Variants in PRKCA observed in about 807,000 individuals in gnomAD.
The protein encoded by PRKCA is protein kinase C alpha type.
Under a neutral mutation model 87.0 loss-of-function variants are expected in PRKCA, and 27 were observed. That is an observed-to-expected ratio of 0.31 (90% CI 0.23 to 0.43). The LOEUF is 0.43. PRKCA is among the 20% of genes least tolerant of loss of function. PRKCA has a pLI of 1.00. For synonymous variants in PRKCA, 329 were observed against 311.1 expected (o/e 1.06, Z -0.61); for missense variants, 518 against 852.3 (o/e 0.61, Z 4.88).
chr17:66,707,212 A>C (rs916836292), intron 8 of PRKCA, among the ~76,000 whole-genome samples: 2 of 152,132 alleles, frequency 1.3e-5, no homozygotes, highest in East Asian at 3.9e-4. Flanking sequence ...TTCAAATCCT[A>C]CAAGTCCCTT....
chr17:66,347,682 C>A (rs530375541), intron 2 of PRKCA, among the ~76,000 whole-genome samples: 1 of 152,222 alleles, frequency 6.6e-6, no homozygotes, highest in South Asian at 2.1e-4. Flanking sequence ...CATCAAAGAG[C>A]CTTTAAGTAT....
At chr17:66,775,625 A>G (rs1290939993) in intron 14 of PRKCA, 1 of 985,342 alleles carries the variant, frequency 1.0e-6, no homozygotes, top group Non-Finnish European at 1.2e-6. Context: ...CAGAAGCCTT[A>G]GTCAGAGACA....
At chr17:66,608,278 G>T (rs185732856) in intron 3 of PRKCA, among the ~76,000 whole-genome samples, 5 of 152,118 alleles carry the variant, frequency 3.3e-5, no homozygotes, top group Admixed American at 2.6e-4. Flanking sequence ...GTGGTGGAGT[G>T]GAGGGCCTCA....
chr17:66,402,184 A>G (rs1911070508), intron 2 of PRKCA, among the ~76,000 whole-genome samples: 1 of 152,202 alleles, frequency 6.6e-6, no homozygotes, highest in Non-Finnish European at 1.5e-5. Flanking sequence ...TAGAATGTAA[A>G]GATGGAGTCA....
intron 2 of PRKCA, among the ~76,000 whole-genome samples, chr17:66,481,307 T>C (rs2144052375): frequency 6.6e-6 from 1 of 152,270 alleles, no homozygotes. Flanking sequence ...GATGTAGCTA[T>C]TGCTCGATAA....
chr17:66,511,031 G>A (rs1277549341), intron 3 of PRKCA, among the ~76,000 whole-genome samples: 1 of 151,856 alleles, frequency 6.6e-6, no homozygotes, highest in African/African-American at 2.4e-5. Context: ...AAAACATACA[G>A]ATTATAACTG....
intron 3 of PRKCA, among the ~76,000 whole-genome samples, chr17:66,576,008 G>A (rs948197002): frequency 6.6e-6 from 1 of 152,030 alleles, no homozygotes; most frequent in Non-Finnish European, 1.5e-5. Flanking sequence ...CAGCTACTCC[G>A]GAGGCTGAGG....
chr17:66,681,926 C>T (rs781341720), intron 5 of PRKCA, among the ~76,000 whole-genome samples: 2 of 152,240 alleles, frequency 1.3e-5, no homozygotes, highest in African/African-American at 4.8e-5. Flanking sequence ...TCTGGGTCCA[C>T]ATCTCCACTT....
intron 16 of PRKCA, among the ~76,000 whole-genome samples, chr17:66,795,597 A>T (rs1195417080): frequency 6.6e-6 from 1 of 152,254 alleles, no homozygotes; most frequent in Non-Finnish European, 1.5e-5. Flanking sequence ...TGAGACATTT[A>T]AACTAATAAT....
At chr17:66,670,483 T>C (rs1972149571) in intron 5 of PRKCA, among the ~76,000 whole-genome samples, 1 of 152,216 alleles carries the variant, frequency 6.6e-6, no homozygotes, top group Non-Finnish European at 1.5e-5. Context: ...TATCTCATTC[T>C]TTCCTTTGGT....
chr17:66,344,482 C>A (rs1230719716), intron 2 of PRKCA, among the ~76,000 whole-genome samples: 1 of 152,042 alleles, frequency 6.6e-6, no homozygotes, highest in Admixed American at 6.5e-5. Context: ...ATGGTGAAAC[C>A]CATCTGTACC....
At chr17:66,368,364 G>GTATATATATATA (rs765889045) in intron 2 of PRKCA, among the ~76,000 whole-genome samples, 1 of 44,504 alleles carries the variant, frequency 2.2e-5, no homozygotes, top group Non-Finnish European at 3.8e-5. Flanking sequence ...GTGTGTATAT[G>GTATATATATATA]TATATATATA....
At chr17:66,410,449 T>A (rs1327521122) in intron 2 of PRKCA, among the ~76,000 whole-genome samples, 1 of 152,218 alleles carries the variant, frequency 6.6e-6, no homozygotes, top group Non-Finnish European at 1.5e-5. Context: ...TTGCTGAAAC[T>A]GCTAAATAAA....
intron 3 of PRKCA, among the ~76,000 whole-genome samples, chr17:66,589,556 G>A (rs2143527587): frequency 6.6e-6 from 1 of 152,180 alleles, no homozygotes; most frequent in East Asian, 1.9e-4. Flanking sequence ...GAACCTTCTT[G>A]TACATGGATG....
intron 2 of PRKCA, among the ~76,000 whole-genome samples, chr17:66,389,308 C>A (rs546386802): frequency 1.6e-4 from 24 of 152,262 alleles, no homozygotes; most frequent in African/African-American, 5.1e-4. Context: ...CTCACTTGGG[C>A]CTCCCAGAGG....
intron 2 of PRKCA, among the ~76,000 whole-genome samples, chr17:66,401,124 G>A (rs576988950): frequency 3.9e-5 from 6 of 152,294 alleles, no homozygotes; most frequent in African/African-American, 1.4e-4. Context: ...CCGCCCTCAA[G>A]GGACTGATGA....
chr17:66,452,197 G>A (rs111681496), intron 2 of PRKCA, among the ~76,000 whole-genome samples: 3,282 of 152,314 alleles, frequency 0.022, 44 homozygotes, highest in South Asian at 0.054. Flanking sequence ...AGAACTGTCT[G>A]CACCTCTGTT....
chr17:66,450,770 G>C (rs1332064811), intron 2 of PRKCA, among the ~76,000 whole-genome samples: 1 of 129,874 alleles, frequency 7.7e-6, no homozygotes, highest in Admixed American at 8.3e-5. Flanking sequence ...CTGATGTTTT[G>C]GTTACGCAAT....
chr17:66,555,338 CAT>C (rs1353509435), intron 3 of PRKCA, among the ~76,000 whole-genome samples: 1 of 152,204 alleles, frequency 6.6e-6, no homozygotes, highest in Non-Finnish European at 1.5e-5. Flanking sequence ...CTACAACACA[CAT>C]GTGGCTTCTT....
Sources: allele counts gnomAD v4.1 joint callset (sites outside exome capture counted in the v4.1 genomes callset), GRCh38; gene constraint gnomAD v4.1.1; transcripts MANE v1.5; gene names NCBI Gene and HGNC (gene_info 2026-07-23, HGNC 2026-07-21).